Variants in DSCAM observed in about 807,000 individuals in gnomAD.
DSCAM encodes cell adhesion molecule DSCAM.
A neutral mutation model predicts 217.7 loss-of-function variants in DSCAM; 47 were observed. The ratio of observed to expected loss-of-function variants is 0.22; its 90% CI spans 0.17 to 0.28. The LOEUF (loss-of-function observed/expected upper bound fraction) is 0.28. Among genes scored for constraint, DSCAM ranks in the 10% least tolerant of loss-of-function variants. DSCAM has a pLI of 1.00. For missense variants in DSCAM, 2,080 were observed against 2,618.3 expected (o/e 0.79, Z 4.49); for synonymous variants, 1,056 against 1,015.3 (o/e 1.04, Z -0.76).
At chr21:40,050,465 A>C (rs1190254113) in intron 30 of DSCAM, among the ~76,000 whole-genome samples, 1 of 151,210 alleles carries the variant, frequency 6.6e-6, no homozygotes, top group East Asian at 1.9e-4. Flanking sequence ...CAACGGCTGA[A>C]GAGATGTCAA....
chr21:40,734,696 A>G (rs1206249470), intron 1 of DSCAM, among the ~76,000 whole-genome samples: 2 of 152,188 alleles, frequency 1.3e-5, no homozygotes, highest in Non-Finnish European at 2.9e-5. Context: ...CATTCCAGCC[A>G]GAGTTTCAAT....
chr21:40,157,203 C>A (rs1399225342), intron 16 of DSCAM, among the ~76,000 whole-genome samples: 1 of 152,188 alleles, frequency 6.6e-6, no homozygotes, highest in Non-Finnish European at 1.5e-5. Context: ...CTTCACTCAT[C>A]CACGCATGGA....
chr21:40,140,724 A>AG (rs2090279517), intron 18 of DSCAM, among the ~76,000 whole-genome samples: 1 of 152,096 alleles, frequency 6.6e-6, no homozygotes. Flanking sequence ...TTTAGGTGGG[A>AG]GGGGTGAAGG....
intron 3 of DSCAM, among the ~76,000 whole-genome samples, chr21:40,661,992 G>A (rs1305294397): frequency 6.6e-6 from 1 of 152,072 alleles, no homozygotes; most frequent in East Asian, 1.9e-4. Context: ...TTTTTTCAAA[G>A]TACTTATTGA....
intron 3 of DSCAM, among the ~76,000 whole-genome samples, chr21:40,544,754 G>T (rs899693804): frequency 6.6e-6 from 1 of 152,094 alleles, no homozygotes; most frequent in African/African-American, 2.4e-5. Context: ...CCTAGGAAAT[G>T]TACTTTAGCC....
At chr21:40,506,923 A>G (rs920132964) in intron 3 of DSCAM, among the ~76,000 whole-genome samples, 1 of 152,252 alleles carries the variant, frequency 6.6e-6, no homozygotes, top group Non-Finnish European at 1.5e-5. Flanking sequence ...AATCACAAAT[A>G]CAAAGCATAT....
chr21:40,300,562 T>G (rs2074004090), intron 9 of DSCAM, among the ~76,000 whole-genome samples: 1 of 152,196 alleles, frequency 6.6e-6, no homozygotes, highest in Admixed American at 6.5e-5. Context: ...GTCTCAGGCC[T>G]TCTCAGAAGT....
intron 1 of DSCAM, among the ~76,000 whole-genome samples, chr21:40,789,179 A>G (rs2091618072): frequency 2.0e-5 from 3 of 152,162 alleles, no homozygotes; most frequent in Non-Finnish European, 4.4e-5. Context: ...GATAACACCA[A>G]GAAGACAGAG....
chr21:40,269,775 C>G (rs983243650), intron 11 of DSCAM, among the ~76,000 whole-genome samples: 1 of 152,166 alleles, frequency 6.6e-6, no homozygotes, highest in Non-Finnish European at 1.5e-5. Flanking sequence ...AGATTGTCCC[C>G]TTTTAATAAG....
intron 1 of DSCAM, among the ~76,000 whole-genome samples, chr21:40,728,432 A>C (rs35456141): frequency 0.094 from 13,470 of 143,354 alleles, 770 homozygotes; most frequent in African/African-American, 0.17. Context: ...TTTTTTTTTT[A>C]TTTTGAGACA....
At chr21:40,207,731 T>C (rs896079471) in intron 11 of DSCAM, among the ~76,000 whole-genome samples, 4 of 152,188 alleles carry the variant, frequency 2.6e-5, no homozygotes, top group African/African-American at 9.7e-5. Flanking sequence ...TTATCATGGA[T>C]TGGCCTCAAT....
At chr21:40,832,531 C>T (rs2092020288) in intron 1 of DSCAM, among the ~76,000 whole-genome samples, 1 of 152,100 alleles carries the variant, frequency 6.6e-6, no homozygotes. Flanking sequence ...TCTTGTGGCC[C>T]AGGGGTTCTT....
At chr21:40,202,359 G>T (rs2837492) in intron 11 of DSCAM, among the ~76,000 whole-genome samples, 67,240 of 152,010 alleles carry the variant, frequency 0.44, 15,174 homozygotes, top group African/African-American at 0.52. Flanking sequence ...AAACAGAGAA[G>T]ATAAATCATC....
chr21:40,577,426 G>A lies in DSCAM; in HGVS notation c.508+115384C>T, dbSNP rs916277745. 2.7e-5 allele frequency among the ~76,000 whole-genome samples: 4 copies of A among 149,014 alleles called. No individual in the cohort carries two copies. The East Asian group carries it at 6.1e-4, about 23-fold the overall frequency. On this transcript the variant is annotated intron_variant, in intron 3 of 32. Coordinates refer to ENST00000400454, the MANE Select transcript of DSCAM (RefSeq NM_001389.5). ...CTCCTCCGGAAGACGGTCACTCTTTGGGGACCTGAAAATTGTTTCCTCAGG... is the reference window on the plus strand; with the variant it reads ...CTCCTCCGGAAGACGGTCACTCTTTAGGGACCTGAAAATTGTTTCCTCAGG...
intron 3 of DSCAM, among the ~76,000 whole-genome samples, chr21:40,667,368 G>A (rs919465143): frequency 3.3e-5 from 5 of 152,122 alleles, no homozygotes; most frequent in Admixed American, 6.6e-5. Flanking sequence ...TTTCATCAGC[G>A]AGTCATTTTT....
intron 8 of DSCAM, among the ~76,000 whole-genome samples, chr21:40,312,716 G>T (rs1435565272): frequency 6.6e-6 from 1 of 152,178 alleles, no homozygotes; most frequent in Non-Finnish European, 1.5e-5. Context: ...ACAAGAGGAG[G>T]TTTCTTTCCT....
rs565121754 is a variant in DSCAM, at chr21:40,403,013, T to C, written c.509-33768A>G. 2.2e-3 allele frequency among the ~76,000 whole-genome samples: 331 copies of C among 151,762 alleles called. 1 individual carries two copies. The highest frequency in any genetic ancestry group is 7.6e-3 in the African/African-American group (316 of 41,398). ...CATAGTAATTCCCTATTCTGGCTCA[T>C]TTAACTATTTCCCAATATCCTTCAC... On this transcript the variant is annotated intron_variant, in intron 3 of 32. Coordinates refer to ENST00000400454, the MANE Select transcript of DSCAM (RefSeq NM_001389.5).
chr21:40,207,071 C>A (rs1049483817), intron 11 of DSCAM, among the ~76,000 whole-genome samples: 1 of 152,014 alleles, frequency 6.6e-6, no homozygotes, highest in African/African-American at 2.4e-5. Context: ...TGGCAATAAA[C>A]ATGCAAACAA....
chr21:40,603,284 G>GA (rs973696239), intron 3 of DSCAM, among the ~76,000 whole-genome samples: 6 of 152,196 alleles, frequency 3.9e-5, no homozygotes, highest in African/African-American at 1.2e-4. Context: ...AATTTGTAAA[G>GA]AATGTGCATT....
Sources: allele counts gnomAD v4.1 joint callset (sites outside exome capture counted in the v4.1 genomes callset), GRCh38; gene constraint gnomAD v4.1.1; transcripts MANE v1.5; gene names NCBI Gene and HGNC (gene_info 2026-07-23, HGNC 2026-07-21).